The following CYP7B1 variants were observed in gnomAD, a reference collection of about 807,000 sequenced individuals.
The protein encoded by CYP7B1 is cytochrome P450 family 7 subfamily B member 1, also known as cytochrome P450 7B1.
In CYP7B1, 29 loss-of-function variants were observed where a neutral mutation model predicts 42.7. The ratio of observed to expected loss-of-function variants is 0.68; its 90% CI spans 0.51 to 0.93. CYP7B1 has a LOEUF of 0.93. CYP7B1 is among the 40% of genes least tolerant of loss of function. CYP7B1 has a pLI of 0.00. For missense variants in CYP7B1, 655 were observed against 600.5 expected, an observed-to-expected ratio of 1.09 and a Z score of -0.95; for synonymous variants, 235 against 218.2, an observed-to-expected ratio of 1.08 and a Z score of -0.68.
intron 4 of CYP7B1, 42 bp from the exon 5 acceptor site, chr8:64,604,899 G>A: frequency 1.9e-6 from 3 of 1,596,964 alleles, no homozygotes; most frequent in Non-Finnish European, 2.6e-6. Flanking sequence ...AGATAGGGCT[G>A]GTCCTGAAAA....
intron 1 of CYP7B1, among the ~76,000 whole-genome samples, chr8:64,660,616 G>A (rs535532409): frequency 1.3e-5 from 2 of 152,358 alleles, no homozygotes; most frequent in South Asian, 4.1e-4. Flanking sequence ...CAGAGCAAGA[G>A]TGAGCAAGTG....
intron 1 of CYP7B1, among the ~76,000 whole-genome samples, chr8:64,726,721 G>A (rs1192148078): frequency 2.0e-5 from 3 of 152,198 alleles, no homozygotes; most frequent in Admixed American, 2.0e-4. Flanking sequence ...TATTATTTGG[G>A]AGAATTTCTT....
rs1351335589 is a variant in CYP7B1, at chr8:64,686,444, G to T, written c.123-61905C>A. On this transcript the variant is annotated intron_variant, in intron 1 of 5. Transcript: ENST00000310193. Reference sequence around the variant, plus strand: ...CCCGCCTGGCCAGCCGCCCCGTCCGGGAGGGAGGTTGGGGGGTCAGCCCCC... The same window carrying T: ...CCCGCCTGGCCAGCCGCCCCGTCCGTGAGGGAGGTTGGGGGGTCAGCCCCC... 5.8e-3 allele frequency among the ~76,000 whole-genome samples: 228 copies of T among 39,578 alleles called. 1 individual carries two copies. Among genetic ancestry groups the T allele is most frequent in the African/African-American group, 0.031 (209 of 6,762 alleles). 26.0% of individuals were successfully genotyped at this position (39,578 alleles called of 152,430 possible). A position where few individuals can be genotyped will look rare whatever the true frequency, so the allele number is the denominator to read the frequency against.
intron 1 of CYP7B1, among the ~76,000 whole-genome samples, chr8:64,637,327 C>A (rs563131116): frequency 6.6e-6 from 1 of 152,312 alleles, no homozygotes; most frequent in African/African-American, 2.4e-5. Flanking sequence ...AATATGTTAA[C>A]TCATGCCCAT....
chr8:64,666,839 T>TA (rs1806287807), intron 1 of CYP7B1, among the ~76,000 whole-genome samples: 1 of 152,240 alleles, frequency 6.6e-6, no homozygotes, highest in Non-Finnish European at 1.5e-5. Flanking sequence ...GCTGGCTATT[T>TA]AAAAATAAAG....
intron 1 of CYP7B1, among the ~76,000 whole-genome samples, chr8:64,717,793 G>A (rs1807179837): frequency 6.6e-6 from 1 of 151,860 alleles, no homozygotes; most frequent in Admixed American, 6.6e-5. Flanking sequence ...GGTACGATAA[G>A]GTGAGATTGC....
At chr8:64,741,216 GAAAAT>G (rs1807562368) in intron 1 of CYP7B1, among the ~76,000 whole-genome samples, 3 of 151,888 alleles carry the variant, frequency 2.0e-5, no homozygotes, top group Non-Finnish European at 2.9e-5. Flanking sequence ...AGAAAAACCA[GAAAAT>G]AAAATAAAAG....
chr8:64,769,426 T>A (rs1038194624), intron 1 of CYP7B1, among the ~76,000 whole-genome samples: 4 of 152,098 alleles, frequency 2.6e-5, no homozygotes, highest in African/African-American at 9.7e-5. Flanking sequence ...AGAAAAAAAA[T>A]AAAGTCTATA....
At chr8:64,777,174 TAAAAAAAA>T (rs71561235) in intron 1 of CYP7B1, among the ~76,000 whole-genome samples, 1 of 113,116 alleles carries the variant, frequency 8.8e-6, no homozygotes, top group East Asian at 2.6e-4. Context: ...GGTCATTTTG[TAAAAAAAA>T]AAAAAAAAAA....
intron 1 of CYP7B1, chr8:64,727,850 A>G (rs545279611): frequency 6.6e-6 from 1 of 152,242 alleles, no homozygotes; most frequent in Non-Finnish European, 1.5e-5. Context: ...AAAAAAATCT[A>G]CACTTGGATT....
At chr8:64,766,747 T>C (rs1432818136) in intron 1 of CYP7B1, among the ~76,000 whole-genome samples, 2 of 152,196 alleles carry the variant, frequency 1.3e-5, no homozygotes, top group East Asian at 3.9e-4. Context: ...GGAACGAAGG[T>C]CCTCTGAGTC....
At chr8:64,656,910 C>CA (rs763116623) in intron 1 of CYP7B1, among the ~76,000 whole-genome samples, 14 of 152,116 alleles carry the variant, frequency 9.2e-5, no homozygotes, top group African/African-American at 1.4e-4. Flanking sequence ...AAACTACAGA[C>CA]AAAACCCAAA....
Position 64,714,613 on chromosome 8 carries a change from G to C in CYP7B1, c.122+83853C>G, listed in dbSNP as rs1807126698. 2.0e-5 allele frequency among the ~76,000 whole-genome samples: 3 copies of C among 152,164 alleles called. No homozygotes were observed. In the South Asian group the frequency reaches 6.2e-4, roughly 32 times the overall value. ...CACATATGTGCTTCCCCTGCAAACT[G>C]TCAGTGACTTGTCAGAATTGATCAG... On this transcript the variant is annotated intron_variant, in intron 1 of 5. Transcript: ENST00000310193.
chr8:64,788,017 C>A (rs1804556838), intron 1 of CYP7B1, among the ~76,000 whole-genome samples: 1 of 152,164 alleles, frequency 6.6e-6, no homozygotes, highest in African/African-American at 2.4e-5. Context: ...CCCCAAGATC[C>A]AATCACTTCC....
chr8:64,703,415 G>T (rs1256535540), intron 1 of CYP7B1, among the ~76,000 whole-genome samples: 2 of 151,790 alleles, frequency 1.3e-5, no homozygotes, highest in Non-Finnish European at 2.9e-5. Flanking sequence ...TACATGCTTG[G>T]TTTTTTCCTT....
intron 1 of CYP7B1, among the ~76,000 whole-genome samples, chr8:64,716,993 T>G (rs1807165523): frequency 1.3e-5 from 2 of 152,248 alleles, no homozygotes; most frequent in African/African-American, 4.8e-5. Flanking sequence ...ATTTTAAAGT[T>G]CTATCATAAA....
At chr8:64,767,984 T>C (rs998811774) in intron 1 of CYP7B1, among the ~76,000 whole-genome samples, 3 of 152,116 alleles carry the variant, frequency 2.0e-5, no homozygotes, top group Admixed American at 6.5e-5. Flanking sequence ...AGAGCAGTCG[T>C]TGGCCAACCT....
chr8:64,713,712 C>T (rs1451498347), intron 1 of CYP7B1, among the ~76,000 whole-genome samples: 2 of 151,552 alleles, frequency 1.3e-5, no homozygotes, highest in South Asian at 4.2e-4. Flanking sequence ...TAGTAATGAC[C>T]AGTAGGGTAA....
chr8:64,756,855 C>T (rs557950322), intron 1 of CYP7B1, among the ~76,000 whole-genome samples: 8 of 152,258 alleles, frequency 5.3e-5, no homozygotes, highest in African/African-American at 1.7e-4. Flanking sequence ...CAAGCACTTA[C>T]GGAAAATAAC....
Sources: gnomAD v4.1 joint callset for allele counts (sites outside exome capture counted in the v4.1 genomes callset) on GRCh38, gnomAD v4.1.1 for gene constraint, MANE v1.5 for transcripts, NCBI Gene and HGNC (gene_info 2026-07-23, HGNC 2026-07-21) for gene names.